ZNF599: variants seen among roughly 807,000 people sequenced by gnomAD.
ZNF599 encodes zinc finger protein 599.
ZNF599 carries 10 observed loss-of-function variants against 11.7 expected under a neutral mutation model. The observed-to-expected ratio is 0.86, with a 90% CI of 0.53 to 1.45. ZNF599 has a LOEUF of 1.45. Ranked by LOEUF, ZNF599 falls within the 40% of genes most tolerant of loss-of-function variation. ZNF599 has a pLI of 0.00. For synonymous variants in ZNF599, 232 were observed against 253.2 expected (o/e 0.92, Z 0.79); for missense variants, 688 against 713.6 (o/e 0.96, Z 0.41).
intron 3 of ZNF599, chr19:34,764,950 C>A (rs1326986574): frequency 6.9e-6 from 1 of 145,128 alleles, no homozygotes; most frequent in Non-Finnish European, 1.5e-5. Flanking sequence ...GTAGATGTCT[C>A]TTCAAAGAAT....
At chr19:34,777,787 G>A (rs373197260), upstream of ZNF599, among the ~76,000 whole-genome samples, 1 of 151,392 alleles carries the variant, frequency 6.6e-6, no homozygotes, top group Non-Finnish European at 1.5e-5. Flanking sequence ...ACTCATAGAG[G>A]CAGAGAGCAA....
the ZNF599 span, among the ~76,000 whole-genome samples, chr19:34,785,414 CAGTA>C: frequency 4.6e-5 from 7 of 152,170 alleles, no homozygotes; most frequent in African/African-American, 1.7e-4. Context: ...GTTAGGATCT[CAGTA>C]AGATCACCTC....
chr19:34,790,061 C>T, the ZNF599 span, among the ~76,000 whole-genome samples: 1 of 152,172 alleles, frequency 6.6e-6, no homozygotes, highest in African/African-American at 2.4e-5. Flanking sequence ...GTTCATCCCT[C>T]TGCATGTGAA....
chr19:34,769,653 C>A, intron 1 of ZNF599, 98 bp from the exon 2 acceptor site: 2 of 1,450,172 alleles, frequency 1.4e-6, no homozygotes, highest in Non-Finnish European at 1.9e-6. Flanking sequence ...AGACCCTGAA[C>A]CACTGAGCAA....
chr19:34,779,077 C>CA, the ZNF599 span, among the ~76,000 whole-genome samples: 1 of 151,824 alleles, frequency 6.6e-6, no homozygotes. Context: ...CTGGTGAGAA[C>CA]AAAAAATGGC....
In ZNF599 at chr19:34,759,899, T is replaced by C. The variant is rs189219027; in HGVS notation, c.902A>G (p.His301Arg). 4 of 1,614,216 alleles carry C rather than the reference T, an allele frequency of 2.5e-6. No individual in the cohort carries two copies. The highest frequency in any genetic ancestry group is 3.4e-6 in the Non-Finnish European group (4 of 1,180,032). Residue 301 changes from histidine to arginine, a missense_variant, in exon 4 of 4, where the codon CAT (histidine) becomes CGT (arginine). His to Arg is a conservative substitution (Grantham distance 29, BLOSUM62 0). Transcript: ENST00000329285. ...TTTTTCTCGAGTGTGAGTCATATTA[T>C]GCTGGATAAAAGAAGAGCGGTGGGT... ...AFTHRSSFIQ[H>R]NMTHTREKPF...
chr19:34,803,701 T>C, the ZNF599 span, among the ~76,000 whole-genome samples: 4 of 152,114 alleles, frequency 2.6e-5, no homozygotes, highest in African/African-American at 9.7e-5. Flanking sequence ...CAGACACCAT[T>C]TAAGTTCCAG....
At chr19:34,777,213 A>G (rs984114156), upstream of ZNF599, among the ~76,000 whole-genome samples, 1 of 142,240 alleles carries the variant, frequency 7.0e-6, no homozygotes, top group East Asian at 2.0e-4. Flanking sequence ...ATCAATTTTT[A>G]AAATATTTGC....
chr19:34,780,560 CAAAG>C, the ZNF599 span, among the ~76,000 whole-genome samples: 8 of 130,826 alleles, frequency 6.1e-5, no homozygotes, highest in South Asian at 1.7e-3. Flanking sequence ...AGGAGAGAGA[CAAAG>C]AGAGAAAGAA....
At chr19:34,799,184 G>A in the ZNF599 span, among the ~76,000 whole-genome samples, 1 of 151,962 alleles carries the variant, frequency 6.6e-6, no homozygotes, top group African/African-American at 2.4e-5. Flanking sequence ...TGTATTTTTT[G>A]TAGAGACGGG....
the ZNF599 span, among the ~76,000 whole-genome samples, chr19:34,791,617 G>A: frequency 6.6e-6 from 1 of 152,198 alleles, no homozygotes; most frequent in East Asian, 1.9e-4. Flanking sequence ...ATGGAACTTA[G>A]AGTTTGATTT....
In ZNF599 at chr19:34,767,372, T is replaced by TCCA. The variant is rs2069151110; in HGVS notation, c.182_184dup (p.Leu61_Glu62insVal). ...CACTGTCCACAGTTCCTGTCCATGT[T>TCCA]CCAGTAGATAGATCAGCTCTGGTTT... On this transcript the variant is annotated inframe_insertion, in exon 3 of 4. Transcript: ENST00000329285. 1.2e-6 allele frequency: 2 copies of TCCA among 1,614,022 alleles called. No individual in the cohort carries two copies. Among genetic ancestry groups the TCCA allele is most frequent in the Admixed American group, 3.3e-5 (2 of 59,996 alleles).
chr19:34,802,467 G>A, the ZNF599 span, among the ~76,000 whole-genome samples: 4 of 152,290 alleles, frequency 2.6e-5, no homozygotes, highest in Admixed American at 1.3e-4. Context: ...AGTGGCTCAC[G>A]TTCAGAGACT....
the ZNF599 span, among the ~76,000 whole-genome samples, chr19:34,789,514 G>A: frequency 3.3e-5 from 5 of 152,066 alleles, no homozygotes; most frequent in Non-Finnish European, 5.9e-5. Flanking sequence ...TCGCCAACAC[G>A]TGCTCTTTTC....
At chr19:34,774,959 G>A (rs900014384), upstream of ZNF599, among the ~76,000 whole-genome samples, 3 of 152,140 alleles carry the variant, frequency 2.0e-5, no homozygotes, top group South Asian at 2.1e-4. Flanking sequence ...GAGATAATGA[G>A]TTTTCTCAAG....
chr19:34,761,088 TGA>T (rs746375349), intron 3 of ZNF599, among the ~76,000 whole-genome samples: 4 of 152,036 alleles, frequency 2.6e-5, no homozygotes, highest in African/African-American at 4.8e-5. Context: ...CTGAAAGTCT[TGA>T]GAGAATGCTG....
chr19:34,763,079 G>A (rs1365491549), intron 3 of ZNF599: 3 of 152,118 alleles, frequency 2.0e-5, no homozygotes, highest in African/African-American at 7.2e-5. Context: ...ATAAGCAATG[G>A]AATAACAAAT....
At chr19:34,796,396 C>T in the ZNF599 span, among the ~76,000 whole-genome samples, 35 of 151,752 alleles carry the variant, frequency 2.3e-4, no homozygotes, top group African/African-American at 8.5e-4. Context: ...CTGCAACCTC[C>T]GCCTCCTGGG....
At chr19:34,801,846 T>C in the ZNF599 span, among the ~76,000 whole-genome samples, 1 of 152,228 alleles carries the variant, frequency 6.6e-6, no homozygotes, top group Non-Finnish European at 1.5e-5. Flanking sequence ...CCTATCTACA[T>C]CCCTTCTGAA....
Sources: allele counts gnomAD v4.1 joint callset (sites outside exome capture counted in the v4.1 genomes callset), GRCh38; gene constraint gnomAD v4.1.1; transcripts MANE v1.5; gene names NCBI Gene and HGNC (gene_info 2026-07-23, HGNC 2026-07-21).